Variants in MTAP observed in about 807,000 individuals in gnomAD.
The protein encoded by MTAP is S-methyl-5'-thioadenosine phosphorylase.
A neutral mutation model predicts 33.6 loss-of-function variants in MTAP; 33 were observed. The ratio of observed to expected loss-of-function variants is 0.98; its 90% CI spans 0.74 to 1.31. The LOEUF (loss-of-function observed/expected upper bound fraction) is 1.31, where lower values mean the gene tolerates loss of function less well. Ranked by LOEUF, MTAP falls within the 40% of genes most tolerant of loss-of-function variation. The pLI is 0.00. For synonymous variants in MTAP, 148 were observed against 125.7 expected (o/e 1.18, Z -1.19); for missense variants, 367 against 360.0 (o/e 1.02, Z -0.16).
chr9:21,859,279 C>A lies in MTAP; in HGVS notation c.691-24C>A, dbSNP rs1214165822. 6 of 1,592,136 alleles carry A rather than the reference C, an allele frequency of 3.8e-6. 1 individual carries two copies. In the South Asian group the frequency reaches 5.7e-5, roughly 15 times the overall value. On this transcript the variant is annotated intron_variant, in intron 6 of 7. Transcript: ENST00000644715. ...GCAGTGGAATTTTAAGTTCTAGTAA[C>A]CTCCAGTGCTATTGTTTCTCTAGGT...
chr9:21,915,859 CTA>C (rs1818679477), intron 1 of MTAP, among the ~76,000 whole-genome samples: 1 of 152,004 alleles, frequency 6.6e-6, no homozygotes, highest in Admixed American at 6.6e-5. Flanking sequence ...GACAAACCCT[CTA>C]TGTCTCTACA....
chr9:21,926,758 A>G (rs1339309503), intron 1 of MTAP, among the ~76,000 whole-genome samples: 1 of 152,188 alleles, frequency 6.6e-6, no homozygotes. Flanking sequence ...TGAATCCTGC[A>G]TCTAGTCCAG....
downstream of MTAP, chr9:21,934,555 G>A (rs1228356857): frequency 6.6e-6 from 1 of 152,030 alleles, no homozygotes; most frequent in East Asian, 1.9e-4. This position sits in a 1 kb window ranked among gnomAD's most constrained non-coding sequence, Gnocchi z 5.0. Flanking sequence ...ATTGTAACTA[G>A]ATGTTTAAGA....
chr9:21,858,173 G>C (rs560271741), intron 6 of MTAP, among the ~76,000 whole-genome samples: 1 of 152,062 alleles, frequency 6.6e-6, no homozygotes, highest in Non-Finnish European at 1.5e-5. Context: ...AAGGAGAAAC[G>C]TACCTGTTTG....
intron 6 of MTAP, among the ~76,000 whole-genome samples, chr9:21,856,388 C>T (rs1330050620): frequency 6.6e-6 from 1 of 152,136 alleles, no homozygotes; most frequent in African/African-American, 2.4e-5. Context: ...TTGCTTAGTA[C>T]TAGGATGCCT....
In MTAP at chr9:21,864,284, C is replaced by A; in HGVS notation, c.*2270C>A. ...CAAAGCCAATATAATTTTCCTCATA[C>A]CTTATGCTTGAGGATATTGTTGAAG... On this transcript the variant is annotated 3_prime_UTR_variant, in exon 8 of 8. Coordinates refer to ENST00000644715, the MANE Select transcript of MTAP (RefSeq NM_002451.4). 6 of 985,330 alleles carry A rather than the reference C, an allele frequency of 6.1e-6. No individual in the cohort carries two copies. The highest frequency in any genetic ancestry group is 7.2e-6 in the Non-Finnish European group (6 of 829,894). The allele number at this position is 985,330 out of a possible 1,614,324, so 61.0% of individuals were successfully genotyped here. A position where few individuals can be genotyped will look rare whatever the true frequency, so the allele number is the denominator to read the frequency against.
At chr9:21,869,056 T>G (rs1057431662), downstream of MTAP, among the ~76,000 whole-genome samples, 1 of 152,190 alleles carries the variant, frequency 6.6e-6, no homozygotes, top group African/African-American at 2.4e-5. Flanking sequence ...TAACTACCCA[T>G]TTCATAATCA....
At chr9:21,886,111 A>C (rs1404458516) in intron 1 of MTAP, among the ~76,000 whole-genome samples, 1 of 148,664 alleles carries the variant, frequency 6.7e-6, no homozygotes, top group Non-Finnish European at 1.5e-5. Flanking sequence ...CACCACATCA[A>C]GGCCAACATC....
At chr9:21,882,065 G>A (rs200209484) in intron 1 of MTAP, among the ~76,000 whole-genome samples, 107 of 151,958 alleles carry the variant, frequency 7.0e-4, no homozygotes, top group Admixed American at 2.0e-3. Flanking sequence ...CCTTCATTTA[G>A]CAACAGGTAT....
At chr9:21,821,343 G>C (rs992159668) in intron 4 of MTAP, among the ~76,000 whole-genome samples, 1 of 152,170 alleles carries the variant, frequency 6.6e-6, no homozygotes, top group Admixed American at 6.5e-5. Context: ...AAGGGCTGTT[G>C]AATTTTGTCA....
chr9:21,877,771 T>G (rs2118680481), intron 1 of MTAP, among the ~76,000 whole-genome samples: 1 of 152,294 alleles, frequency 6.6e-6, no homozygotes, highest in East Asian at 1.9e-4. Flanking sequence ...AGTATTTTGT[T>G]GAGGATTTTT....
chr9:21,867,992 G>A (rs75880967), downstream of MTAP, among the ~76,000 whole-genome samples: 98 of 152,160 alleles, frequency 6.4e-4, no homozygotes, highest in African/African-American at 2.3e-3. Flanking sequence ...CATGACAAAA[G>A]GGGAAATCAA....
chr9:21,911,543 G>A (rs1160985762), intron 1 of MTAP, among the ~76,000 whole-genome samples: 1 of 152,072 alleles, frequency 6.6e-6, no homozygotes, highest in Non-Finnish European at 1.5e-5. Context: ...GGTACATAAC[G>A]AAATGAAGGC....
intron 5 of MTAP, among the ~76,000 whole-genome samples, chr9:21,848,312 T>A (rs1282691058): frequency 6.6e-6 from 1 of 152,124 alleles, no homozygotes; most frequent in East Asian, 1.9e-4. Flanking sequence ...AAAGAACCGC[T>A]TGAGTTTTCT....
chr9:21,821,214 G>A (rs890386144), intron 4 of MTAP, among the ~76,000 whole-genome samples: 4 of 152,156 alleles, frequency 2.6e-5, no homozygotes, highest in Non-Finnish European at 4.4e-5. Flanking sequence ...GTTTTCAAAG[G>A]GAATGCTTCC....
Position 21,831,691 on chromosome 9 carries a change from AT to A in MTAP, c.348-6216del, listed in dbSNP as rs1824970656. ...CTCAACTGCTATCACTGTCAGAAAT[AT>A]CTCAAGGTGAAACTTGCAAACATAT... On this transcript the variant is annotated intron_variant, in intron 4 of 7. Coordinates refer to ENST00000644715, the MANE Select transcript of MTAP (RefSeq NM_002451.4). Among the ~76,000 whole-genome samples, 3 of 152,334 alleles carry A rather than the reference AT, an allele frequency of 2.0e-5. No homozygotes were observed. In the South Asian group the frequency reaches 6.2e-4, roughly 32 times the overall value.
intron 1 of MTAP, among the ~76,000 whole-genome samples, chr9:21,890,724 G>A (rs894201418): frequency 6.6e-6 from 1 of 152,080 alleles, no homozygotes; most frequent in Non-Finnish European, 1.5e-5. Flanking sequence ...TGAATTTTCA[G>A]GTTCCCCAGT....
In MTAP at chr9:21,862,595, CTG is replaced by C. The variant is rs1825775832; in HGVS notation, c.*582_*583del. The C allele has an allele frequency of 6.6e-6, 1 of 152,086 alleles. No individual in the cohort carries two copies. The highest frequency in any genetic ancestry group is 1.5e-5 in the Non-Finnish European group (1 of 68,036). The allele number at this position is 152,086 out of a possible 1,614,324, so 9.4% of individuals were successfully genotyped here. On this transcript the variant is annotated 3_prime_UTR_variant, in exon 8 of 8. Coordinates refer to ENST00000644715, the MANE Select transcript of MTAP (RefSeq NM_002451.4). ...TATAATAATAAATAATTGAAACAAT[CTG>C]AATCCCTTGCAATTGGAGGTAAATT...
In MTAP at chr9:21,862,634, A is replaced by T. The variant is rs1825776396; in HGVS notation, c.*620A>T. 1.3e-5 allele frequency: 2 copies of T among 152,254 alleles called. No individual in the cohort carries two copies. Among genetic ancestry groups the T allele is most frequent in the Admixed American group, 1.3e-4 (2 of 15,272 alleles). 9.4% of individuals were successfully genotyped at this position (152,254 alleles called of 1,614,324 possible). Reference sequence around the variant, plus strand: ...ATTGGAGGTAAATTATGTCTTAGTTATAATTAGATTGTGAATCAGCCAACT... The same window carrying T: ...ATTGGAGGTAAATTATGTCTTAGTTTTAATTAGATTGTGAATCAGCCAACT... On this transcript the variant is annotated 3_prime_UTR_variant, in exon 8 of 8. Coordinates refer to ENST00000644715, the MANE Select transcript of MTAP (RefSeq NM_002451.4).
Sources: allele counts gnomAD v4.1 joint callset (sites outside exome capture counted in the v4.1 genomes callset), GRCh38; gene constraint gnomAD v4.1.1; non-coding constraint Gnocchi (gnomAD v3.1); transcripts MANE v1.5; gene names NCBI Gene and HGNC (gene_info 2026-07-23, HGNC 2026-07-21).